The following FSTL4 variants were observed in gnomAD, a reference collection of about 807,000 sequenced individuals.
FSTL4 encodes follistatin-related protein 4.
In FSTL4, 28 loss-of-function variants were observed where a neutral mutation model predicts 78.2. The observed-to-expected ratio is 0.36, with a 90% CI of 0.27 to 0.49. FSTL4 has a LOEUF of 0.49. Among genes scored for constraint, FSTL4 ranks in the 20% least tolerant of loss-of-function variants. The pLI, the probability that FSTL4 is intolerant of heterozygous loss-of-function variation, is 0.98. For missense variants in FSTL4, 922 were observed against 1,084.9 expected, an observed-to-expected ratio of 0.85 and a Z score of 2.11; for synonymous variants, 422 against 440.5, an observed-to-expected ratio of 0.96 and a Z score of 0.53.
intron 3 of FSTL4, among the ~76,000 whole-genome samples, chr5:133,437,081 G>T (rs1423472047): frequency 6.6e-6 from 1 of 152,200 alleles, no homozygotes; most frequent in African/African-American, 2.4e-5. Flanking sequence ...ATGAAGGGTG[G>T]TACCAATTAC....
At chr5:133,458,578 G>A (rs1004124188) in intron 3 of FSTL4, among the ~76,000 whole-genome samples, 2 of 152,252 alleles carry the variant, frequency 1.3e-5, no homozygotes, top group African/African-American at 4.8e-5. Flanking sequence ...GTGCCCTGGG[G>A]TTGGAATCCC....
intron 7 of FSTL4, among the ~76,000 whole-genome samples, chr5:133,240,653 G>T (rs1487414833): frequency 6.6e-6 from 1 of 151,204 alleles, no homozygotes; most frequent in Non-Finnish European, 1.5e-5. Context: ...CAAAGGGGAG[G>T]CCCTTATCTC....
chr5:133,365,697 C>T (rs1333277337), intron 4 of FSTL4, among the ~76,000 whole-genome samples: 1 of 152,258 alleles, frequency 6.6e-6, no homozygotes, highest in East Asian at 1.9e-4. Flanking sequence ...TTGGAGAACT[C>T]AGCCGTACTG....
chr5:133,595,845 C>T lies in FSTL4; in HGVS notation c.126+8013G>A, dbSNP rs369728182. Among the ~76,000 whole-genome samples, 59 of 152,324 alleles carry T rather than the reference C, an allele frequency of 3.9e-4. No homozygotes were observed. In the East Asian group the frequency reaches 0.01, roughly 26 times the overall value. On this transcript the variant is annotated intron_variant, in intron 2 of 15. Coordinates refer to ENST00000265342, the MANE Select transcript of FSTL4 (RefSeq NM_015082.2). ...CCTAAAGGCTGGAGAGGGCGATTCC[C>T]TTAGCTCCAAAGCTGGCTAGGGAAC...
chr5:133,329,246 A>G (rs2126906117), intron 4 of FSTL4, among the ~76,000 whole-genome samples: 2 of 152,226 alleles, frequency 1.3e-5, no homozygotes, highest in East Asian at 3.9e-4. Flanking sequence ...TTTGGTTGTC[A>G]CAATGATTGG....
rs200915266 is a variant in FSTL4, at chr5:133,316,622, C to T, written c.440G>A (p.Arg147His). The T allele has an allele frequency of 1.1e-4, 184 of 1,613,436 alleles. No homozygotes were observed. Among genetic ancestry groups the T allele is most frequent in the African/African-American group, 2.5e-4 (19 of 75,030 alleles). Residue 147 changes from arginine (R) to histidine (H), a missense_variant, in exon 5 of 16, where the codon CGC (arginine) becomes CAC (histidine). Transcript: ENST00000265342. ...GAGTGCCAGAAGGACATTCTTCAAG[C>T]GGGCGTAGCCGGCCATGGTGCACGT... ...GDTCTMAGYA[R>H]LKNVLLALQT...
the FSTL4 span, among the ~76,000 whole-genome samples, chr5:133,706,257 A>T: frequency 6.6e-6 from 1 of 152,200 alleles, no homozygotes; most frequent in African/African-American, 2.4e-5. Context: ...TATTTAGCAC[A>T]CAGGGCCTAG....
intron 6 of FSTL4, among the ~76,000 whole-genome samples, chr5:133,262,783 T>A (rs6864984): frequency 0.11 from 16,808 of 152,266 alleles, 2,185 homozygotes; most frequent in African/African-American, 0.32. Context: ...CCTCAGGTTC[T>A]TTGGCCAGAT....
the FSTL4 span, among the ~76,000 whole-genome samples, chr5:133,627,087 G>T: frequency 6.2e-5 from 9 of 145,262 alleles, no homozygotes; most frequent in Admixed American, 6.2e-4. Flanking sequence ...TACACATTTA[G>T]TATTGTTATA....
At chr5:133,625,783 T>C in the FSTL4 span, among the ~76,000 whole-genome samples, 1 of 32,454 alleles carries the variant, frequency 3.1e-5, no homozygotes, top group Non-Finnish European at 4.8e-5. Context: ...TATATATATA[T>C]TCCATATATA....
At chr5:133,471,980 C>T (rs718410) in intron 3 of FSTL4, among the ~76,000 whole-genome samples, 10,771 of 152,128 alleles carry the variant, frequency 0.071, 435 homozygotes, top group South Asian at 0.12. Flanking sequence ...GCTGCTGGGC[C>T]TTTTCCATGT....
At chr5:133,253,549 G>T (rs1330522529) in intron 6 of FSTL4, among the ~76,000 whole-genome samples, 2 of 152,034 alleles carry the variant, frequency 1.3e-5, no homozygotes, top group Non-Finnish European at 2.9e-5. Context: ...CCTGTTCTTT[G>T]CCCACTTACC....
the FSTL4 span, among the ~76,000 whole-genome samples, chr5:133,823,720 C>G: frequency 6.6e-6 from 1 of 152,158 alleles, no homozygotes; most frequent in African/African-American, 2.4e-5. Flanking sequence ...TCAAGTCCCT[C>G]TGTTGTAAAA....
the FSTL4 span, among the ~76,000 whole-genome samples, chr5:133,816,438 C>G: frequency 6.6e-6 from 1 of 152,310 alleles, no homozygotes; most frequent in Admixed American, 6.5e-5. Context: ...CTCAGCACGA[C>G]TCTTCCCTCC....
chr5:133,500,521 G>A (rs570666116), intron 3 of FSTL4, among the ~76,000 whole-genome samples: 1 of 152,168 alleles, frequency 6.6e-6, no homozygotes, highest in African/African-American at 2.4e-5. Context: ...AGATATGCCT[G>A]GAACTTTACC....
chr5:133,737,336 C>G, the FSTL4 span, among the ~76,000 whole-genome samples: 1 of 151,880 alleles, frequency 6.6e-6, no homozygotes, highest in African/African-American at 2.4e-5. Flanking sequence ...TTAGATCCCA[C>G]AAATAAGTGA....
At chr5:133,471,561 A>G (rs558244592) in intron 3 of FSTL4, among the ~76,000 whole-genome samples, 17 of 152,258 alleles carry the variant, frequency 1.1e-4, no homozygotes, top group African/African-American at 3.9e-4. Context: ...GCCATCTATG[A>G]ACCAGAAAGT....
intron 4 of FSTL4, among the ~76,000 whole-genome samples, chr5:133,321,327 A>T (rs1400353117): frequency 2.0e-5 from 3 of 152,170 alleles, no homozygotes; most frequent in Non-Finnish European, 2.9e-5. Flanking sequence ...CCTTACCTTC[A>T]TCACTCTCCG....
chr5:133,205,110 C>CTATT (rs1221660373), intron 14 of FSTL4, among the ~76,000 whole-genome samples: 1 of 152,120 alleles, frequency 6.6e-6, no homozygotes, highest in Non-Finnish European at 1.5e-5. Flanking sequence ...CAAAGGTAAA[C>CTATT]TATTGGTTAT....
Sources: allele counts gnomAD v4.1 joint callset (sites outside exome capture counted in the v4.1 genomes callset), GRCh38; gene constraint gnomAD v4.1.1; transcripts MANE v1.5; gene names NCBI Gene and HGNC (gene_info 2026-07-23, HGNC 2026-07-21).